The following BHLHE41 variants were observed in gnomAD, a reference collection of about 807,000 sequenced individuals.
BHLHE41 encodes the protein class E basic helix-loop-helix protein 41.
BHLHE41 carries 14 observed loss-of-function variants against 24.0 expected under a neutral mutation model. The ratio of observed to expected loss-of-function variants is 0.58; its 90% CI spans 0.39 to 0.91. The LOEUF (loss-of-function observed/expected upper bound fraction) is 0.91. Among genes scored for constraint, BHLHE41 ranks in the 40% least tolerant of loss-of-function variants. The pLI is 0.00. For synonymous variants in BHLHE41, 394 were observed against 315.5 expected (o/e 1.25, Z -2.64); for missense variants, 674 against 655.4 (o/e 1.03, Z -0.31).
Position 26,121,962 on chromosome 12 carries a change from T to C in BHLHE41, c.*104A>G, listed in dbSNP as rs778869530. 3.9e-6 allele frequency: 6 copies of C among 1,537,926 alleles called. No individual in the cohort carries two copies. The African/African-American group carries it at 8.3e-5, about 21-fold the overall frequency. On this transcript the variant is annotated 3_prime_UTR_variant, in exon 5 of 5. Coordinates refer to ENST00000242728, the MANE Select transcript of BHLHE41 (RefSeq NM_030762.3). The stretch of plus-strand genomic sequence containing the variant: ...CGTGCATCTATTACACTTCCTCCCT[T>C]AAAGACCTTAAGGGTATTTTAACTT...
rs1008727296 is a variant in BHLHE41, at chr12:26,124,262, GC to G, written c.127-84del. ...GATATTACCCTCGTCTGCCCCCCCC[GC>G]CCCCCCACCATAAAACATACTATGT... On this transcript the variant is annotated intron_variant, in intron 2 of 4. Coordinates refer to ENST00000242728, the MANE Select transcript of BHLHE41 (RefSeq NM_030762.3). 273 of 577,650 alleles carry G rather than the reference GC, an allele frequency of 4.7e-4. 1 individual carries two copies. In the African/African-American group the frequency reaches 5.8e-3, roughly 12 times the overall value. 35.8% of individuals were successfully genotyped at this position (577,650 alleles called of 1,614,324 possible). A position where few individuals can be genotyped will look rare whatever the true frequency, so the allele number is the denominator to read the frequency against.
intron 4 of BHLHE41, 70 bp downstream of exon 4, chr12:26,123,560 G>A (rs1361796317): frequency 9.3e-7 from 1 of 1,069,600 alleles, no homozygotes; most frequent in African/African-American, 1.5e-5. Context: ...GGGTGAGGGA[G>A]TCCTGACACT....
intron 4 of BHLHE41, 53 bp downstream of exon 4, chr12:26,123,577 C>T: frequency 7.7e-7 from 1 of 1,302,870 alleles, no homozygotes; most frequent in Non-Finnish European, 1.1e-6. Context: ...CACTGCTCCC[C>T]TGTGGGCTGC....
chr12:26,124,016 A>G (rs1944339305), intron 3 of BHLHE41, 56 bp downstream of exon 3: 1 of 1,181,478 alleles, frequency 8.5e-7, no homozygotes, highest in Non-Finnish European at 1.3e-6. Flanking sequence ...TGGGAGTCGC[A>G]CCAGACTATT....
chr12:26,123,155 C>A lies in BHLHE41; in HGVS notation c.360G>T (p.Leu120=). 6.3e-7 allele frequency: 1 copy of A among 1,594,548 alleles called. No individual in the cohort carries two copies. The change falls in exon 5 of 5, where the codon CTG becomes CTT. Residue 120 remains leucine, a synonymous_variant. Transcript: ENST00000242728. ...CCAAGTCGGACTGAATGGGCGATTT[C>A]AGAGATCGCTCCCCTAGGATGAGGA... ...IIALQNGERS[L]KSPIQSDLDA... is the part of the protein sequence containing the mutation.
At position 26,122,199 on chromosome 12, in the gene BHLHE41, G is replaced by A. The variant is rs1359191582; in HGVS notation, c.1316C>T (p.Ala439Val). 1.4e-6 allele frequency: 2 copies of A among 1,396,278 alleles called. 1 individual carries two copies. Among genetic ancestry groups the A allele is most frequent in the Admixed American group, 7.3e-5 (2 of 27,554 alleles). 86.5% of individuals were successfully genotyped at this position (1,396,278 alleles called of 1,614,324 possible). A position where few individuals can be genotyped will look rare whatever the true frequency, so the allele number is the denominator to read the frequency against. ...AAATLLPHEV[A>V]PLGAPHPQHP... is the part of the protein sequence containing the mutation. ...CTGGGGGTGCGGCGCCCCAAGGGGC[G>A]CCACCTCGTGCGGCAGGAGGGTCGC... Residue 439 changes from alanine to valine, a missense_variant, in exon 5 of 5, where the codon GCG (alanine) becomes GTG (valine). By Grantham distance (64) the Ala-to-Val change is moderately conservative (BLOSUM62 0). Coordinates refer to ENST00000242728, the MANE Select transcript of BHLHE41 (RefSeq NM_030762.3).
At position 26,124,683 on chromosome 12, in the gene BHLHE41, C is replaced by T. The variant is rs765115235; in HGVS notation, c.62+35G>A. 37 of 1,613,744 alleles carry T rather than the reference C, an allele frequency of 2.3e-5. No homozygotes were observed. The South Asian group carries it at 3.8e-4, about 17-fold the overall frequency. On this transcript the variant is annotated intron_variant, in intron 1 of 4. Transcript: ENST00000242728. ...GAGAAGAAAAAAATCAAACCAAAGC[C>T]TAGACAGATATTCGCAAGGGTGCGT...
rs1043760886 is a variant in BHLHE41, at chr12:26,121,007, GAATTTT to G, written c.*1053_*1058del. The G allele has an allele frequency of 3.9e-5, 6 of 152,614 alleles. No homozygotes were observed. The highest frequency in any genetic ancestry group is 1.4e-4 in the African/African-American group (6 of 41,444). The allele number at this position is 152,614 out of a possible 1,614,324, so 9.5% of individuals were successfully genotyped here. On this transcript the variant is annotated 3_prime_UTR_variant, in exon 5 of 5. Transcript: ENST00000242728. ...CAGTTAAATGCTTTCGTTCACTTTT[GAATTTT>G]AACAGAATATAGGATATATCAGTTT...
rs1944326650 is a variant in BHLHE41, at chr12:26,122,939, A to G, written c.576T>C (p.Ala192=). ...CGGCCGCGGACCCGGCGGCCGAGGG[A>G]GCGCCGGTGCCTTTGCTCAGAGGGA... ...QQVPLSKGTG[A]PSAAGSAAAP... is the part of the protein sequence containing the mutation. Residue 192 remains alanine, a synonymous_variant, in exon 5 of 5, where the codon GCT becomes GCC. Transcript: ENST00000242728. 2 of 1,552,654 alleles carry G rather than the reference A, an allele frequency of 1.3e-6. No homozygotes were observed. Among genetic ancestry groups the G allele is most frequent in the Non-Finnish European group, 1.7e-6 (2 of 1,147,718 alleles).
In BHLHE41 at chr12:26,120,232, CTTT is replaced by C. The variant is rs1010857453; in HGVS notation, c.*1831_*1833del. The C allele has an allele frequency of 2.6e-5, 4 of 152,490 alleles. No individual in the cohort carries two copies. Among genetic ancestry groups the C allele is most frequent in the Non-Finnish European group, 5.9e-5 (4 of 68,016 alleles). 9.4% of individuals were successfully genotyped at this position (152,490 alleles called of 1,614,324 possible). A position where few individuals can be genotyped will look rare whatever the true frequency, so the allele number is the denominator to read the frequency against. The stretch of plus-strand genomic sequence containing the variant: ...AAAACTAATTGAGCATCCATTATGT[CTTT>C]TTTAATTATTAGACAATATCATATC... On this transcript the variant is annotated 3_prime_UTR_variant, in exon 5 of 5. Transcript: ENST00000242728.
In BHLHE41 at chr12:26,122,174, C is replaced by G; in HGVS notation, c.1341G>C (p.Gln447His). The change falls in exon 5 of 5, where the codon CAG becomes CAC. Residue 447 changes from glutamine (Q) to histidine (H), a missense_variant. Transcript: ENST00000242728. The stretch of plus-strand genomic sequence containing the variant: ...GCAGGTGGGTGCGGCCGTGCGGGTG[C>G]TGGGGGTGCGGCGCCCCAAGGGGCG... ...EVAPLGAPHP[Q>H]HPHGRTHLPF... is the part of the protein sequence containing the mutation. The G allele has an allele frequency of 6.6e-7, 1 of 1,507,466 alleles. No homozygotes were observed. The highest frequency in any genetic ancestry group is 8.9e-7 in the Non-Finnish European group (1 of 1,127,554). The allele number at this position is 1,507,466 out of a possible 1,614,324, so 93.4% of individuals were successfully genotyped here.
chr12:26,122,163 C>T lies in BHLHE41; in HGVS notation c.1352G>A (p.Gly451Asp). ...CCCGGCGAAGGGCAGGTGGGTGCGG[C>T]CGTGCGGGTGCTGGGGGTGCGGCGC... Reference protein sequence around the residue: ...LGAPHPQHPHGRTHLPFAGPR... With the variant: ...LGAPHPQHPHDRTHLPFAGPR... The change falls in exon 5 of 5, where the codon GGC becomes GAC. Residue 451 changes from glycine (G) to aspartate (D), a missense_variant. Physicochemically the swap from Gly to Asp is moderately conservative, Grantham distance 94. Coordinates refer to ENST00000242728, the MANE Select transcript of BHLHE41 (RefSeq NM_030762.3). The T allele has an allele frequency of 1.3e-6, 2 of 1,537,770 alleles. No homozygotes were observed. Among genetic ancestry groups the T allele is most frequent in the Admixed American group, 2.0e-5 (1 of 49,930 alleles).
rs1944319047 is a variant in BHLHE41 at position 26,122,505 on chromosome 12, A to G, written c.1010T>C (p.Phe337Ser). ...GGCCGCGGCGGCCGCGGGCTGCGGGAAGGGCGCGCCTCCGCCTCCGCCGAA... is the reference window on the plus strand; with the variant it reads ...GGCCGCGGCGGCCGCGGGCTGCGGGGAGGGCGCGCCTCCGCCTCCGCCGAA... ...VAFGGGGGAP[F>S]PQPAAAAAPF... The change falls in exon 5 of 5, where the codon TTC (phenylalanine) becomes TCC (serine). Residue 337 changes from phenylalanine (F) to serine (S), a missense_variant. Coordinates refer to ENST00000242728, the MANE Select transcript of BHLHE41 (RefSeq NM_030762.3). The G allele has an allele frequency of 7.6e-7, 1 of 1,307,410 alleles. No homozygotes were observed. The highest frequency in any genetic ancestry group is 9.8e-7 in the Non-Finnish European group (1 of 1,018,104). 81.0% of individuals were successfully genotyped at this position (1,307,410 alleles called of 1,614,324 possible).
rs2137388322 is a variant in BHLHE41 at position 26,123,606 on chromosome 12, GCTGGCCTCCCTGAA to G, written c.346+10_346+23del. ...GGGCTGCCCCGCTTCATCAGGGTAG[GCTGGCCTCCCTGAA>G]CTGACTTACCATTCTGTAAAGCAAT... is the stretch of plus-strand genomic sequence containing the variant. On this transcript the variant is annotated intron_variant, in intron 4 of 4. Coordinates refer to ENST00000242728, the MANE Select transcript of BHLHE41 (RefSeq NM_030762.3). 6.5e-7 allele frequency: 1 copy of G among 1,536,936 alleles called. No individual in the cohort carries two copies. Among genetic ancestry groups the G allele is most frequent in the Admixed American group, 1.7e-5 (1 of 59,940 alleles).
At chr12:26,123,189 G>A (rs777704936) in intron 4 of BHLHE41, 21 bp from the exon 5 acceptor site, 3 of 1,565,716 alleles carry the variant, frequency 1.9e-6, no homozygotes, top group Non-Finnish European at 2.6e-6. Context: ...GAAGGGATGG[G>A]GGTGGGGGAC....
At chr12:26,123,879 CA>C (rs1480336963) in intron 3 of BHLHE41, 138 bp from the exon 4 acceptor site, 1 of 775,300 alleles carries the variant, frequency 1.3e-6, no homozygotes, top group Non-Finnish European at 2.3e-6. Context: ...GAGCTTTCCA[CA>C]AGACAGGTTA....
At position 26,123,180 on chromosome 12, in the gene BHLHE41, A is replaced by G. The variant is rs756259178; in HGVS notation, c.347-12T>C. ...CAGAGATCGCTCCCCTAGGATGAGG[A>G]AGGGATGGGGGTGGGGGACGGAGGA... is the stretch of plus-strand genomic sequence containing the variant. On this transcript the variant is annotated splice_polypyrimidine_tract_variant and intron_variant, in intron 4 of 4. Coordinates refer to ENST00000242728, the MANE Select transcript of BHLHE41 (RefSeq NM_030762.3). The G allele has an allele frequency of 5.1e-6, 8 of 1,577,558 alleles. No homozygotes were observed. Among genetic ancestry groups the G allele is most frequent in the Non-Finnish European group, 5.2e-6 (6 of 1,157,384 alleles).
Position 26,122,894 on chromosome 12 carries a change from C to T in BHLHE41, c.621G>A (p.Ala207=), listed in dbSNP as rs61754129. The stretch of plus-strand genomic sequence containing the variant: ...AGGCGAGGGGCTCCAGCTTCTGCCC[C>T]GCGCGCTCCAGGCAGGGGGCGGCCG... ...GSAAAPCLER[A]GQKLEPLAYC... is the part of the protein sequence containing the mutation. The change falls in exon 5 of 5, where the codon GCG becomes GCA. Residue 207 remains alanine (A), a synonymous_variant. Transcript: ENST00000242728. 1 of 1,550,800 alleles carries T rather than the reference C, an allele frequency of 6.4e-7. No homozygotes were observed. Among genetic ancestry groups the T allele is most frequent in the Admixed American group, 1.9e-5 (1 of 51,346 alleles).
At chr12:26,123,930 G>A (rs1304357579) in intron 3 of BHLHE41, 142 bp downstream of exon 3, 2 of 757,750 alleles carry the variant, frequency 2.6e-6, no homozygotes, top group East Asian at 2.7e-5. Context: ...ACCTACTCCA[G>A]TTTGCGGGAA....
Sources: allele counts gnomAD v4.1 joint callset, GRCh38; gene constraint gnomAD v4.1.1; transcripts MANE v1.5; gene names NCBI Gene and HGNC (gene_info 2026-07-23, HGNC 2026-07-21).